USP25: variants seen among roughly 807,000 people sequenced by gnomAD.
USP25 encodes ubiquitin carboxyl-terminal hydrolase 25.
Under a neutral mutation model 158.5 loss-of-function variants are expected in USP25, and 85 were observed. The ratio of observed to expected loss-of-function variants is 0.54; its 90% confidence interval spans 0.45 to 0.64. The LOEUF (loss-of-function observed/expected upper bound fraction) is 0.64. USP25 is among the 30% of genes least tolerant of loss of function. The pLI is 0.00. For missense variants in USP25, 1,242 were observed against 1,327.3 expected (o/e 0.94, Z 1.00); for synonymous variants, 464 against 460.4 (o/e 1.01, Z -0.10).
At chr21:15,828,011 C>T (rs574295144) in intron 14 of USP25, among the ~76,000 whole-genome samples, 68 of 151,458 alleles carry the variant, frequency 4.5e-4, no homozygotes, top group African/African-American at 1.6e-3. Context: ...TATCATTCCC[C>T]AATTTTATGC....
At chr21:15,806,322 C>T (rs2036388231) in intron 7 of USP25, among the ~76,000 whole-genome samples, 1 of 151,406 alleles carries the variant, frequency 6.6e-6, no homozygotes, top group East Asian at 1.9e-4. Context: ...TGCATAGTAT[C>T]TTTTCCAGTG....
rs2039818633 is a variant in USP25 at position 15,870,003 on chromosome 21, G to A, written c.2806-65G>A. On this transcript the variant is annotated intron_variant, in intron 22 of 25. Coordinates refer to ENST00000400183, the MANE Select transcript of USP25 (RefSeq NM_001283041.3). ...GTAGCGAAACAGTGCATTACTTTTT[G>A]TACAGTTTCATAGTACTTTTTAAAT... The A allele has an allele frequency of 9.8e-6, 12 of 1,230,684 alleles. No individual in the cohort carries two copies. In the South Asian group the frequency reaches 1.5e-4, roughly 15 times the overall value. 76.2% of individuals were successfully genotyped at this position (1,230,684 alleles called of 1,614,324 possible).
At chr21:15,846,118 GTGTGTATATATATA>G (rs1708709202) in intron 18 of USP25, among the ~76,000 whole-genome samples, 1 of 79,974 alleles carries the variant, frequency 1.3e-5, no homozygotes, top group South Asian at 4.0e-4. Flanking sequence ...GTGTGTGTGT[GTGTGTATATATATA>G]TATATATATA....
rs1243876048 is a variant in USP25 at position 15,794,004 on chromosome 21, T to TTTG, written c.555+2342_555+2343insGTT. 2.0e-5 allele frequency among the ~76,000 whole-genome samples: 3 copies of TTTG among 151,720 alleles called. No homozygotes were observed. In the East Asian group the frequency reaches 5.8e-4, roughly 30 times the overall value. ...ACCATAGTGTTGGAGGTTTTGTTGT[T>TTTG]TTCCACAGTGAGTTGGAACTTACTC... On this transcript the variant is annotated intron_variant, in intron 5 of 25. Transcript: ENST00000400183.
chr21:15,829,898 A>G (rs550161657), intron 14 of USP25, among the ~76,000 whole-genome samples: 42 of 152,244 alleles, frequency 2.8e-4, no homozygotes, highest in Middle Eastern at 3.4e-3. Context: ...TTTCTTTTAT[A>G]GTTTTTCAAG....
intron 24 of USP25, 27 bp from the exon 25 acceptor site, chr21:15,877,769 C>CTTTT (rs752412491): frequency 3.0e-6 from 4 of 1,335,518 alleles, no homozygotes; most frequent in South Asian, 1.4e-5. Context: ...AAAACCTATT[C>CTTTT]TTTTTTTTTT....
intron 5 of USP25, among the ~76,000 whole-genome samples, chr21:15,791,968 C>A (rs1228287253): frequency 1.3e-5 from 2 of 151,548 alleles, no homozygotes; most frequent in African/African-American, 4.8e-5. Context: ...TATTTCCCTG[C>A]AAATTTATGG....
At chr21:15,825,700 A>T (rs550798046) in intron 12 of USP25, among the ~76,000 whole-genome samples, 1 of 152,256 alleles carries the variant, frequency 6.6e-6, no homozygotes, top group East Asian at 1.9e-4. Context: ...GCAAACCCCA[A>T]TCTGCTCTGC....
intron 10 of USP25, among the ~76,000 whole-genome samples, chr21:15,819,749 TG>T (rs2037135215): frequency 6.6e-6 from 1 of 152,190 alleles, no homozygotes; most frequent in African/African-American, 2.4e-5. Flanking sequence ...AAGGAGACTT[TG>T]TTCTTGTGTT....
chr21:15,872,352 A>G (rs574519868), intron 23 of USP25, among the ~76,000 whole-genome samples: 1 of 152,264 alleles, frequency 6.6e-6, no homozygotes, highest in African/African-American at 2.4e-5. Context: ...TAACATATGG[A>G]ACATTTTGCG....
intron 1 of USP25, among the ~76,000 whole-genome samples, chr21:15,739,554 C>G (rs2031844465): frequency 6.6e-6 from 1 of 151,924 alleles, no homozygotes; most frequent in Admixed American, 6.6e-5. Flanking sequence ...GTATTAGTGG[C>G]CCTCACTAAT....
At chr21:15,781,213 A>G (rs989301862) in intron 4 of USP25, among the ~76,000 whole-genome samples, 4 of 152,220 alleles carry the variant, frequency 2.6e-5, no homozygotes, top group East Asian at 1.9e-4. Flanking sequence ...CTACGGCCAG[A>G]TACACAGGTC....
Position 15,816,226 on chromosome 21 carries a change from C to A in USP25, c.932-2472C>A, listed in dbSNP as rs1367018482. On this transcript the variant is annotated intron_variant, in intron 9 of 25. Transcript: ENST00000400183. The surrounding 1 kb of genome is among the most constrained non-coding windows in gnomAD (Gnocchi z 4.0). ...TGGGTTTCCACTTTTGCTTCTTCCT[C>A]ATCTTCTCTTGCCTCTGCCATGTAA... Among the ~76,000 whole-genome samples the A allele has an allele frequency of 6.6e-6, 1 of 152,140 alleles. No homozygotes were observed. The highest frequency in any genetic ancestry group is 6.5e-5 in the Admixed American group (1 of 15,270).
chr21:15,743,580 A>G lies in USP25; in HGVS notation c.45+13142A>G, dbSNP rs187620294. On this transcript the variant is annotated intron_variant, in intron 1 of 25. Coordinates refer to ENST00000400183, the MANE Select transcript of USP25 (RefSeq NM_001283041.3). Reference sequence around the variant, plus strand: ...GTAGCCTTGGAAAAGGCAACATTCAATTGGTTTAAAAGCATTATTCGGAAA... The same window carrying G: ...GTAGCCTTGGAAAAGGCAACATTCAGTTGGTTTAAAAGCATTATTCGGAAA... 1.6e-3 allele frequency among the ~76,000 whole-genome samples: 238 copies of G among 152,294 alleles called. 2 individuals carry two copies. The highest frequency in any genetic ancestry group is 2.9e-3 in the Non-Finnish European group (195 of 68,022).
chr21:15,847,408 G>A (rs1201657823), intron 18 of USP25, among the ~76,000 whole-genome samples: 1 of 152,174 alleles, frequency 6.6e-6, no homozygotes, highest in Non-Finnish European at 1.5e-5. Flanking sequence ...ATTACTACTT[G>A]ATGAATGCAT....
At chr21:15,761,783 C>T (rs1238511267) in intron 1 of USP25, among the ~76,000 whole-genome samples, 1 of 152,148 alleles carries the variant, frequency 6.6e-6, no homozygotes, top group Non-Finnish European at 1.5e-5. Context: ...TTTCAAGTTG[C>T]CCGCTTGGCC....
rs149902279 is a variant in USP25 at position 15,731,089 on chromosome 21, T to TC, written c.45+652dup. Among the ~76,000 whole-genome samples the TC allele has an allele frequency of 8.7e-3, 1,309 of 151,022 alleles. 12 individuals are homozygous for TC. Among genetic ancestry groups the TC allele is most frequent in the African/African-American group, 0.028 (1,136 of 41,212 alleles). On this transcript the variant is annotated intron_variant, in intron 1 of 25. Coordinates refer to ENST00000400183, the MANE Select transcript of USP25 (RefSeq NM_001283041.3). ...GTCCCCTAAGTTTGACCTTGTTCTT[T>TC]CGTTCACCCTTTACTCTTGCATCAG...
At chr21:15,812,974 T>C (rs2036746855) in intron 9 of USP25, among the ~76,000 whole-genome samples, 1 of 152,116 alleles carries the variant, frequency 6.6e-6, no homozygotes, top group Non-Finnish European at 1.5e-5. Flanking sequence ...TTCTCTGTAC[T>C]TCACTCCTTC....
At chr21:15,794,013 T>A (rs1160964438) in intron 5 of USP25, among the ~76,000 whole-genome samples, 9 of 151,608 alleles carry the variant, frequency 5.9e-5, no homozygotes, top group Non-Finnish European at 1.2e-4. Flanking sequence ...TTTTCCACAG[T>A]GAGTTGGAAC....
Sources: gnomAD v4.1 joint callset for allele counts (sites outside exome capture counted in the v4.1 genomes callset) on GRCh38, gnomAD v4.1.1 for gene constraint, Gnocchi (gnomAD v3.1) non-coding constraint, MANE v1.5 for transcripts, NCBI Gene and HGNC (gene_info 2026-07-23, HGNC 2026-07-21) for gene names.